The following PDE4DIP variants were observed in gnomAD, a reference collection of about 807,000 sequenced individuals.
PDE4DIP encodes myomegalin.
PDE4DIP carries 59 observed loss-of-function variants against 221.4 expected under a neutral mutation model. That is an observed-to-expected ratio of 0.27 (90% CI 0.22 to 0.33). The LOEUF is 0.33. PDE4DIP is among the 10% of genes least tolerant of loss of function. PDE4DIP has a pLI of 1.00. For synonymous variants in PDE4DIP, 404 were observed against 815.9 expected, an observed-to-expected ratio of 0.50 and a Z score of 8.60; for missense variants, 1,036 against 2,154.2, an observed-to-expected ratio of 0.48 and a Z score of 10.28.
Position 148,992,337 on chromosome 1 carries a change from G to T in PDE4DIP, c.2904+364G>T, listed in dbSNP as rs1574994475. 1.0e-5 allele frequency: 16 copies of T among 1,580,506 alleles called. No individual in the cohort carries two copies. The East Asian group carries it at 3.6e-4, about 36-fold the overall frequency. On this transcript the variant is annotated intron_variant, in intron 22 of 43. Transcript: ENST00000369354. Reference sequence around the variant, plus strand: ...TTTGTAACTGAAACGCACCACAGAAGACAGGGAGTCATCGAAGGGCTGCTC... The same window carrying T: ...TTTGTAACTGAAACGCACCACAGAATACAGGGAGTCATCGAAGGGCTGCTC...
At chr1:148,968,706 G>A in intron 13 of PDE4DIP, 130 bp from the exon 17 acceptor site, 1 of 623,098 alleles carries the variant, frequency 1.6e-6, no homozygotes, top group Non-Finnish European at 2.8e-6. Context: ...AAACAAAAAT[G>A]AGTAAAACAT....
intron 1 of PDE4DIP, among the ~76,000 whole-genome samples, chr1:148,925,380 C>CA (rs1238362669): frequency 9.3e-6 from 1 of 107,582 alleles, no homozygotes; most frequent in Non-Finnish European, 1.8e-5. Flanking sequence ...AAGGCTAAAG[C>CA]AAGAGTGGAG....
intron 9 of PDE4DIP, among the ~76,000 whole-genome samples, chr1:148,963,698 ATTC>A (rs1299063185): frequency 1.4e-5 from 2 of 147,510 alleles, no homozygotes. Flanking sequence ...TAAATATACG[ATTC>A]TTTTCTTTTC....
chr1:149,030,448 C>A (rs587708166), intron 43 of PDE4DIP, 170 bp downstream of exon 46: 1 of 984,990 alleles, frequency 1.0e-6, no homozygotes, highest in Admixed American at 6.1e-5. Flanking sequence ...AGTTTCTGTC[C>A]CCATCACCCT....
In PDE4DIP at chr1:149,009,648, C is replaced by T. The variant is rs587716674; in HGVS notation, c.4784C>T (p.Ser1595Phe). The change falls in exon 30 of 44, where the codon TCC becomes TTC. Residue 1595 changes from serine to phenylalanine, a missense_variant. By Grantham distance (155) the Ser-to-Phe change is radical. Coordinates refer to ENST00000369354, the Ensembl canonical transcript of PDE4DIP. The stretch of plus-strand genomic sequence containing the variant: ...CTGGATGCTCGGTCCCTCACACCCT[C>T]CAGCAGCCATGCCTTGTCTGACTCC... The T allele has an allele frequency of 2.5e-6, 4 of 1,614,184 alleles. No individual in the cohort carries two copies. In the East Asian group the frequency reaches 6.7e-5, roughly 27 times the overall value.
intron 32 of PDE4DIP, among the ~76,000 whole-genome samples, chr1:149,015,379 A>G (rs1553609606): frequency 6.6e-6 from 1 of 152,072 alleles, no homozygotes; most frequent in African/African-American, 2.4e-5. Context: ...GCTTGGATGG[A>G]AGAAACAATG....
chr1:148,821,555 A>C (rs1669261764), intron 1 of PDE4DIP, among the ~76,000 whole-genome samples: 1 of 150,048 alleles, frequency 6.7e-6, no homozygotes. Context: ...AGGTGAAAGA[A>C]CTGCAAAACC....
chr1:148,986,658 A>C (rs2061957833), intron 21 of PDE4DIP, among the ~76,000 whole-genome samples: 1 of 152,292 alleles, frequency 6.6e-6, no homozygotes, highest in Admixed American at 6.5e-5. Context: ...CCTCTCGAAG[A>C]AGTGAGACTA....
At chr1:148,964,390 G>T in intron 9 of PDE4DIP, among the ~76,000 whole-genome samples, 1 of 152,178 alleles carries the variant, frequency 6.6e-6, no homozygotes, top group Middle Eastern at 3.4e-3. Context: ...TTACAGGCGT[G>T]AGCCACCACG....
intron 13 of PDE4DIP, among the ~76,000 whole-genome samples, 180 bp from the exon 17 acceptor site, chr1:148,968,656 T>G (rs1410840730): frequency 6.6e-6 from 1 of 152,144 alleles, no homozygotes; most frequent in Middle Eastern, 3.2e-3. Context: ...GGACATGTAT[T>G]TAGAGACTTC....
intron 37 of PDE4DIP, among the ~76,000 whole-genome samples, chr1:149,023,686 A>G (rs587620401): frequency 9.6e-6 from 1 of 104,202 alleles, no homozygotes; most frequent in African/African-American, 3.7e-5. Flanking sequence ...ATGTACATGT[A>G]TATGTGTGCA....
intron 38 of PDE4DIP, chr1:149,025,977 A>G (rs1237017114): frequency 2.0e-5 from 3 of 151,660 alleles, no homozygotes; most frequent in Non-Finnish European, 4.4e-5. Flanking sequence ...GTGTTCAGTT[A>G]TGTCTCCAAC....
chr1:148,976,313 G>C (rs1175049403), intron 17 of PDE4DIP, among the ~76,000 whole-genome samples: 2 of 152,218 alleles, frequency 1.3e-5, no homozygotes, highest in African/African-American at 4.8e-5. Context: ...CTACAGGAAA[G>C]ATATTATAGC....
At chr1:149,032,514 C>T (rs587734423) in exon 44 of PDE4DIP, 16 of 320,122 alleles carry the variant, frequency 5.0e-5, no homozygotes, top group South Asian at 3.6e-4. Flanking sequence ...CCACACCTGA[C>T]CCTGTTGGGT....
At chr1:148,821,523 G>T (rs1211721196) in intron 1 of PDE4DIP, among the ~76,000 whole-genome samples, 1 of 150,406 alleles carries the variant, frequency 6.6e-6, no homozygotes, top group South Asian at 2.1e-4. Flanking sequence ...AAAAAATTTC[G>T]TTAGAGAGGA....
chr1:148,939,829 T>G (rs1189670488), intron 5 of PDE4DIP: 1 of 150,854 alleles, frequency 6.6e-6, no homozygotes, highest in African/African-American at 2.4e-5. Flanking sequence ...CCATCCTGAT[T>G]ATTTATTAGC....
rs782178103 is a variant in PDE4DIP at position 149,024,430 on chromosome 1, C to A, written c.6086-15C>A. On this transcript the variant is annotated splice_polypyrimidine_tract_variant and intron_variant, in intron 37 of 43. Coordinates refer to ENST00000369354, the Ensembl canonical transcript of PDE4DIP. The stretch of plus-strand genomic sequence containing the variant: ...AAATACTTGGGTCAATGTTACCAGA[C>A]TCCTTCTCTCTCAGCTTACAGCCTG... The A allele has an allele frequency of 2.4e-5, 38 of 1,567,914 alleles. No homozygotes were observed. The South Asian group carries it at 4.2e-4, about 17-fold the overall frequency.
rs587734380 is a variant in PDE4DIP at position 149,015,521 on chromosome 1, A to G, written c.5267-778A>G. Among the ~76,000 whole-genome samples the G allele has an allele frequency of 3.5e-3, 529 of 152,186 alleles. 3 individuals carry two copies. Among genetic ancestry groups the G allele is most frequent in the African/African-American group, 0.012 (516 of 41,518 alleles). On this transcript the variant is annotated intron_variant, in intron 32 of 43. Coordinates refer to ENST00000369354, the Ensembl canonical transcript of PDE4DIP. ...GCCCACCTCTTTCCTCATCTCCCCC[A>G]TGCTAGGCTTCTTTTTACAGAGAAG... is the stretch of plus-strand genomic sequence containing the variant.
intron 21 of PDE4DIP, chr1:148,982,377 A>G (rs2061269818): frequency 6.6e-6 from 1 of 152,208 alleles, no homozygotes; most frequent in Non-Finnish European, 1.5e-5. Context: ...ATAGGGTCCT[A>G]TGTTTTTCAC....
Sources: gnomAD v4.1 joint callset for allele counts (sites outside exome capture counted in the v4.1 genomes callset) on GRCh38, gnomAD v4.1.1 for gene constraint, MANE v1.5 for transcripts, NCBI Gene and HGNC (gene_info 2026-07-23, HGNC 2026-07-21) for gene names.